Variants in KRTAP9-2 observed in about 807,000 individuals in gnomAD.
KRTAP9-2 encodes the protein keratin-associated protein 9-2.
In KRTAP9-2, 12 loss-of-function variants were observed where a neutral mutation model predicts 14.1. That is an observed-to-expected ratio of 0.85 (90% confidence interval 0.55 to 1.38). The LOEUF is 1.38. KRTAP9-2 is among the 40% of genes most tolerant of loss of function. The pLI, the probability that KRTAP9-2 is intolerant of heterozygous loss-of-function variation, is 0.00. For synonymous variants in KRTAP9-2, 72 were observed against 79.5 expected (o/e 0.91, Z 0.50); for missense variants, 185 against 216.3 (o/e 0.86, Z 0.91).
chr17:41,227,437 T>C lies in KRTAP9-2; in HGVS notation c.*258T>C. ...CAAGTTTGAGTCATGGTCTCAGCTTTGACTCTAAAGTCAAGAGCTTCATTC... is the reference window on the plus strand; with the variant it reads ...CAAGTTTGAGTCATGGTCTCAGCTTCGACTCTAAAGTCAAGAGCTTCATTC... On this transcript the variant is annotated 3_prime_UTR_variant, in exon 1 of 1. Transcript: ENST00000377721. The C allele has an allele frequency of 7.9e-6, 3 of 379,414 alleles. No homozygotes were observed. Among genetic ancestry groups the C allele is most frequent in the African/African-American group, 8.1e-5 (1 of 12,400 alleles). The allele number at this position is 379,414 out of a possible 1,614,324, so 23.5% of individuals were successfully genotyped here.
At position 41,227,170 on chromosome 17, in the gene KRTAP9-2, T is replaced by C. The variant is rs1428064911; in HGVS notation, c.516T>C (p.Ser172=). ...GTGTGTCCAGCTGCTGCCAGCCTTC[T>C]TGCTGCTGATCACGTTCCAAGAGAA... ...PTCVSSCCQP[S]CC The change falls in exon 1 of 1, where the codon TCT becomes TCC. Residue 172 remains serine, a synonymous_variant. Transcript: ENST00000377721. 4 of 1,601,436 alleles carry C rather than the reference T, an allele frequency of 2.5e-6. No individual in the cohort carries two copies. In the South Asian group the frequency reaches 3.3e-5, roughly 13 times the overall value.
In KRTAP9-2 at chr17:41,226,975, G is replaced by C; in HGVS notation, c.321G>C (p.Gln107His). Residue 107 changes from glutamine to histidine, a missense_variant, in exon 1 of 1, where the codon CAG becomes CAC. Gln to His is a conservative substitution (Grantham distance 24). Around this residue, in one of 2 missense-constraint regions of KRTAP9-2, gnomAD observed 164 missense variants for 168.3 expected, o/e 0.97. Coordinates refer to ENST00000377721, the MANE Select transcript of KRTAP9-2 (RefSeq NM_031961.3). ...CCAGCTGTGGGTCCAGCTGTGGCCA[G>C]AGCAGCTCCTGTGCACCTGTGTACT... ...GQTSCGSSCG[Q>H]SSSCAPVYCR... 1.9e-6 allele frequency: 3 copies of C among 1,613,534 alleles called. No individual in the cohort carries two copies. The highest frequency in any genetic ancestry group is 2.5e-6 in the Non-Finnish European group (3 of 1,179,966).
rs1354417457 is a variant in KRTAP9-2 at position 41,226,862 on chromosome 17, A to C, written c.208A>C (p.Thr70Pro). ...CTGTAGGACCACCTGCTGCCAGCCC[A>C]CCTGTGTGACCAGCTGCTGCCAGCC... ...TCCRTTCCQP[T>P]CVTSCCQPSC... is the part of the protein sequence containing the mutation. The change falls in exon 1 of 1, where the codon ACC becomes CCC. Residue 70 changes from threonine to proline, a missense_variant. Thr to Pro is a conservative substitution (Grantham distance 38). This residue lies in a region of KRTAP9-2 where 164 missense variants were observed against 168.3 expected (regional missense o/e 0.97). Transcript: ENST00000377721. The C allele has an allele frequency of 6.2e-7, 1 of 1,609,688 alleles. No individual in the cohort carries two copies. Among genetic ancestry groups the C allele is most frequent in the Non-Finnish European group, 8.5e-7 (1 of 1,177,810 alleles).
At position 41,227,116 on chromosome 17, in the gene KRTAP9-2, C is replaced by G; in HGVS notation, c.462C>G (p.Cys154Trp). The G allele has an allele frequency of 6.2e-7, 1 of 1,610,966 alleles. No homozygotes were observed. Among genetic ancestry groups the G allele is most frequent in the Non-Finnish European group, 8.5e-7 (1 of 1,179,292 alleles). The change falls in exon 1 of 1, where the codon TGC becomes TGG. Residue 154 changes from cysteine to tryptophan, a missense_variant. Physicochemically the swap from Cys to Trp is radical, Grantham distance 215. Around this residue, in one of 2 missense-constraint regions of KRTAP9-2, gnomAD observed 164 missense variants for 168.3 expected, o/e 0.97. Coordinates refer to ENST00000377721, the MANE Select transcript of KRTAP9-2 (RefSeq NM_031961.3). ...CCRPACCETT[C>W]CRTTCFQPTC... ...GCCCAGCCTGCTGTGAGACCACCTG[C>G]TGCAGGACCACTTGCTTCCAGCCCA...
chr17:41,226,823 T>C lies in KRTAP9-2; in HGVS notation c.169T>C (p.Cys57Arg). The change falls in exon 1 of 1, where the codon TGT (cysteine) becomes CGT (arginine). Residue 57 changes from cysteine to arginine, a missense_variant. Cys to Arg is a radical substitution (Grantham distance 180, BLOSUM62 -3). This residue lies in a region of KRTAP9-2 where 164 missense variants were observed against 168.3 expected (regional missense o/e 0.97). Coordinates refer to ENST00000377721, the MANE Select transcript of KRTAP9-2 (RefSeq NM_031961.3). ...CCAGCCTTGCTGCCGCCCAACTTGCTGTCAAAACACCTGCTGTAGGACCAC... is the reference window on the plus strand; with the variant it reads ...CCAGCCTTGCTGCCGCCCAACTTGCCGTCAAAACACCTGCTGTAGGACCAC... ...CCQPCCRPTC[C>R]QNTCCRTTCC... 6.6e-7 allele frequency: 1 copy of C among 1,504,010 alleles called. No individual in the cohort carries two copies. The highest frequency in any genetic ancestry group is 1.3e-5 in the South Asian group (1 of 77,526). 93.2% of individuals were successfully genotyped at this position (1,504,010 alleles called of 1,614,324 possible).
Position 41,226,653 on chromosome 17 carries a change from C to T in KRTAP9-2, c.-2C>T, listed in dbSNP as rs757575250. The T allele has an allele frequency of 1.7e-5, 28 of 1,610,468 alleles. No individual in the cohort carries two copies. Among genetic ancestry groups the T allele is most frequent in the Non-Finnish European group, 5.9e-6 (7 of 1,178,936 alleles). ...AGAAGCCCACCCTCCACCCCTGACA[C>T]CATGACCCACTGTTGCTCCCCTTGC... On this transcript the variant is annotated 5_prime_UTR_variant, in exon 1 of 1. Coordinates refer to ENST00000377721, the MANE Select transcript of KRTAP9-2 (RefSeq NM_031961.3).
Position 41,227,327 on chromosome 17 carries a change from A to G in KRTAP9-2, c.*148A>G. The G allele has an allele frequency of 3.2e-6, 2 of 620,356 alleles. No homozygotes were observed. The highest frequency in any genetic ancestry group is 5.0e-6 in the Non-Finnish European group (2 of 400,662). 38.4% of individuals were successfully genotyped at this position (620,356 alleles called of 1,614,324 possible). A position where few individuals can be genotyped will look rare whatever the true frequency, so the allele number is the denominator to read the frequency against. Reference sequence around the variant, plus strand: ...TCTCTACATGTTTAAAATCTTGGAAATCTGCTTGAGGGAGGGCAGAATACT... The same window carrying G: ...TCTCTACATGTTTAAAATCTTGGAAGTCTGCTTGAGGGAGGGCAGAATACT... On this transcript the variant is annotated 3_prime_UTR_variant, in exon 1 of 1. Coordinates refer to ENST00000377721, the MANE Select transcript of KRTAP9-2 (RefSeq NM_031961.3).
At position 41,227,025 on chromosome 17, in the gene KRTAP9-2, C is replaced by T. The variant is rs199622060; in HGVS notation, c.371C>T (p.Thr124Met). The T allele has an allele frequency of 2.8e-5, 45 of 1,613,780 alleles. No individual in the cohort carries two copies. The highest frequency in any genetic ancestry group is 6.6e-5 in the South Asian group (6 of 91,058). The change falls in exon 1 of 1, where the codon ACG (threonine) becomes ATG (methionine). Residue 124 changes from threonine (T) to methionine (M), a missense_variant. This residue lies in a region of KRTAP9-2 where 164 missense variants were observed against 168.3 expected (regional missense o/e 0.97). Coordinates refer to ENST00000377721, the MANE Select transcript of KRTAP9-2 (RefSeq NM_031961.3). ...VYCRRTCYYP[T>M]TVCLPGCLNQ... ...TGCAGAAGAACCTGCTACTACCCCA[C>T]GACTGTCTGCCTGCCTGGTTGCCTA...
chr17:41,226,771 G>T lies in KRTAP9-2; in HGVS notation c.117G>T (p.Gln39His). Reference sequence around the variant, plus strand: ...CCTGCAGCAGCACACCCTGCTGCCAGCCCGCCTGCTGTGTGTCCAGCTGCT... The same window carrying T: ...CCTGCAGCAGCACACCCTGCTGCCATCCCGCCTGCTGTGTGTCCAGCTGCT... ...VTTCSSTPCC[Q>H]PACCVSSCCQ... The change falls in exon 1 of 1, where the codon CAG becomes CAT. Residue 39 changes from glutamine to histidine, a missense_variant. Gln to His is a conservative substitution (Grantham distance 24). Transcript: ENST00000377721. 6.6e-7 allele frequency: 1 copy of T among 1,518,130 alleles called. No homozygotes were observed. The highest frequency in any genetic ancestry group is 8.9e-7 in the Non-Finnish European group (1 of 1,121,868). The allele number at this position is 1,518,130 out of a possible 1,614,324, so 94.0% of individuals were successfully genotyped here. A position where few individuals can be genotyped will look rare whatever the true frequency, so the allele number is the denominator to read the frequency against.
chr17:41,227,213 C>T lies in KRTAP9-2; in HGVS notation c.*34C>T, dbSNP rs758731447. 1.4e-5 allele frequency: 21 copies of T among 1,538,792 alleles called. No individual in the cohort carries two copies. The highest frequency in any genetic ancestry group is 1.8e-5 in the Non-Finnish European group (20 of 1,127,066). ...CAAGAGAACCACCATCCTCACACAA[C>T]AAATTTCTGCTCAACTGACTCATCT... On this transcript the variant is annotated 3_prime_UTR_variant, in exon 1 of 1. Coordinates refer to ENST00000377721, the MANE Select transcript of KRTAP9-2 (RefSeq NM_031961.3).
Position 41,226,855 on chromosome 17 carries a change from C to T in KRTAP9-2, c.201C>T (p.Cys67=), listed in dbSNP as rs772094894. ...ACACCTGCTGTAGGACCACCTGCTG[C>T]CAGCCCACCTGTGTGACCAGCTGCT... ...CQNTCCRTTC[C]QPTCVTSCCQ... Residue 67 remains cysteine (C), a synonymous_variant, in exon 1 of 1, where the codon TGC becomes TGT. Coordinates refer to ENST00000377721, the MANE Select transcript of KRTAP9-2 (RefSeq NM_031961.3). 2 of 1,518,534 alleles carry T rather than the reference C, an allele frequency of 1.3e-6. No individual in the cohort carries two copies. The highest frequency in any genetic ancestry group is 2.4e-5 in the East Asian group (1 of 41,246). The allele number at this position is 1,518,534 out of a possible 1,614,324, so 94.1% of individuals were successfully genotyped here.
Position 41,226,746 on chromosome 17 carries a change from C to A in KRTAP9-2, c.92C>A (p.Thr31Asn). ...TTCWKPTTVT[T>N]CSSTPCCQPA... ...TGCTGGAAGCCCACCACTGTGACCACCTGCAGCAGCACACCCTGCTGCCAG... is the reference window on the plus strand; with the variant it reads ...TGCTGGAAGCCCACCACTGTGACCAACTGCAGCAGCACACCCTGCTGCCAG... Residue 31 changes from threonine (T) to asparagine (N), a missense_variant, in exon 1 of 1, where the codon ACC (threonine) becomes AAC (asparagine). Thr to Asn is a moderately conservative substitution (Grantham distance 65). Transcript: ENST00000377721. 6.3e-7 allele frequency: 1 copy of A among 1,599,838 alleles called. No homozygotes were observed. The highest frequency in any genetic ancestry group is 1.8e-4 in the Middle Eastern group (1 of 5,634).
rs752530202 is a variant in KRTAP9-2, at chr17:41,227,054, C to A, written c.400C>A (p.Gln134Lys). 1.9e-6 allele frequency: 3 copies of A among 1,612,216 alleles called. No individual in the cohort carries two copies. The South Asian group carries it at 3.3e-5, about 18-fold the overall frequency. Reference protein sequence around the residue: ...TTVCLPGCLNQSCGSNCCQPC... With the variant: ...TTVCLPGCLNKSCGSNCCQPC... Reference sequence around the variant, plus strand: ...TGTCTGCCTGCCTGGTTGCCTAAACCAGAGCTGTGGCTCCAACTGCTGCCA... The same window carrying A: ...TGTCTGCCTGCCTGGTTGCCTAAACAAGAGCTGTGGCTCCAACTGCTGCCA... The change falls in exon 1 of 1, where the codon CAG becomes AAG. Residue 134 changes from glutamine (Q) to lysine (K), a missense_variant. This residue lies in a region of KRTAP9-2 where 164 missense variants were observed against 168.3 expected (regional missense o/e 0.97). Coordinates refer to ENST00000377721, the MANE Select transcript of KRTAP9-2 (RefSeq NM_031961.3).
Position 41,227,230 on chromosome 17 carries a change from G to C in KRTAP9-2, c.*51G>C. The stretch of plus-strand genomic sequence containing the variant: ...TCACACAACAAATTTCTGCTCAACT[G>C]ACTCATCTTTTGGGGGACTAATTTA... On this transcript the variant is annotated 3_prime_UTR_variant, in exon 1 of 1. Coordinates refer to ENST00000377721, the MANE Select transcript of KRTAP9-2 (RefSeq NM_031961.3). 2.7e-6 allele frequency: 4 copies of C among 1,467,318 alleles called. No individual in the cohort carries two copies. 90.9% of individuals were successfully genotyped at this position (1,467,318 alleles called of 1,614,324 possible). A position where few individuals can be genotyped will look rare whatever the true frequency, so the allele number is the denominator to read the frequency against.
rs1345606117 is a variant in KRTAP9-2, at chr17:41,226,734, C to T, written c.80C>T (p.Thr27Ile). Residue 27 changes from threonine (T) to isoleucine (I), a missense_variant, in exon 1 of 1, where the codon ACC (threonine) becomes ATC (isoleucine). Physicochemically the swap from Thr to Ile is moderately conservative, Grantham distance 89 (BLOSUM62 -1). This residue lies in a region of KRTAP9-2 where 21 missense variants were observed against 48.0 expected (regional missense o/e 0.44). Coordinates refer to ENST00000377721, the MANE Select transcript of KRTAP9-2 (RefSeq NM_031961.3). ...TCCRTTCWKPTTVTTCSSTPC... is the reference protein window; with the variant it reads ...TCCRTTCWKPITVTTCSSTPC... ...TGCAGGACCACCTGCTGGAAGCCCA[C>T]CACTGTGACCACCTGCAGCAGCACA... The T allele has an allele frequency of 6.2e-7, 1 of 1,600,370 alleles. No homozygotes were observed. The highest frequency in any genetic ancestry group is 1.3e-5 in the African/African-American group (1 of 74,726).
chr17:41,227,064 G>T lies in KRTAP9-2; in HGVS notation c.410G>T (p.Gly137Val). The change falls in exon 1 of 1, where the codon GGC becomes GTC. Residue 137 changes from glycine to valine, a missense_variant. Gly to Val is a moderately radical substitution (Grantham distance 109). Coordinates refer to ENST00000377721, the MANE Select transcript of KRTAP9-2 (RefSeq NM_031961.3). ...CCTGGTTGCCTAAACCAGAGCTGTG[G>T]CTCCAACTGCTGCCAGCCCTGCTGC... Reference protein sequence around the residue: ...CLPGCLNQSCGSNCCQPCCRP... With the variant: ...CLPGCLNQSCVSNCCQPCCRP... 1.9e-6 allele frequency: 3 copies of T among 1,604,606 alleles called. No individual in the cohort carries two copies. Among genetic ancestry groups the T allele is most frequent in the Non-Finnish European group, 2.5e-6 (3 of 1,177,564 alleles).
At position 41,227,390 on chromosome 17, in the gene KRTAP9-2, A is replaced by G; in HGVS notation, c.*211A>G. ...TCTTTTTCCTTACACCTTGTGGATC[A>G]TGTGCCAGCTTCATCTGTTCTCAAG... On this transcript the variant is annotated 3_prime_UTR_variant, in exon 1 of 1. Transcript: ENST00000377721. 1 of 455,308 alleles carries G rather than the reference A, an allele frequency of 2.2e-6. No individual in the cohort carries two copies. Among genetic ancestry groups the G allele is most frequent in the African/African-American group, 6.6e-5 (1 of 15,096 alleles). 28.2% of individuals were successfully genotyped at this position (455,308 alleles called of 1,614,324 possible).
rs766397346 is a variant in KRTAP9-2 at position 41,226,676 on chromosome 17, T to G, written c.22T>G (p.Cys8Gly). Residue 8 changes from cysteine (C) to glycine (G), a missense_variant, in exon 1 of 1, where the codon TGC (cysteine) becomes GGC (glycine). Coordinates refer to ENST00000377721, the MANE Select transcript of KRTAP9-2 (RefSeq NM_031961.3). MTHCCSP[C>G]CQPTCCRTTC... ...CACCATGACCCACTGTTGCTCCCCT[T>G]GCTGTCAGCCTACCTGCTGCAGGAC... 6.2e-6 allele frequency: 10 copies of G among 1,612,210 alleles called. No individual in the cohort carries two copies. In the East Asian group the frequency reaches 1.3e-4, roughly 22 times the overall value.
chr17:41,226,994 G>A lies in KRTAP9-2; in HGVS notation c.340G>A (p.Val114Met), dbSNP rs1189244083. The A allele has an allele frequency of 6.2e-7, 1 of 1,613,702 alleles. No individual in the cohort carries two copies. The highest frequency in any genetic ancestry group is 8.5e-7 in the Non-Finnish European group (1 of 1,180,004). The change falls in exon 1 of 1, where the codon GTG becomes ATG. Residue 114 changes from valine (V) to methionine (M), a missense_variant. Physicochemically the swap from Val to Met is conservative, Grantham distance 21. Around this residue, in one of 2 missense-constraint regions of KRTAP9-2, gnomAD observed 164 missense variants for 168.3 expected, o/e 0.97. Transcript: ENST00000377721. ...TGGCCAGAGCAGCTCCTGTGCACCTGTGTACTGCAGAAGAACCTGCTACTA... is the reference window on the plus strand; with the variant it reads ...TGGCCAGAGCAGCTCCTGTGCACCTATGTACTGCAGAAGAACCTGCTACTA... Reference protein sequence around the residue: ...SCGQSSSCAPVYCRRTCYYPT... With the variant: ...SCGQSSSCAPMYCRRTCYYPT...
Sources: allele counts gnomAD v4.1 joint callset, GRCh38; gene constraint gnomAD v4.1.1; regional missense constraint gnomAD v4.1.1; transcripts MANE v1.5; gene names NCBI Gene and HGNC (gene_info 2026-07-23, HGNC 2026-07-21).